The following RORA variants were observed in gnomAD, a reference collection of about 807,000 sequenced individuals.
The protein encoded by RORA is nuclear receptor ROR-alpha.
In RORA, 7 loss-of-function variants were observed where a neutral mutation model predicts 69.5. That is an observed-to-expected ratio of 0.10 (90% CI 0.06 to 0.19). The LOEUF is 0.19. RORA is among the 10% of genes least tolerant of loss of function. The pLI is 1.00. For synonymous variants in RORA, 261 were observed against 240.8 expected (o/e 1.08, Z -0.78); for missense variants, 457 against 663.0 (o/e 0.69, Z 3.41).
intron 1 of RORA, among the ~76,000 whole-genome samples, chr15:61,079,853 G>C (rs1228453954): frequency 1.3e-5 from 2 of 152,090 alleles, no homozygotes; most frequent in Non-Finnish European, 2.9e-5. Context: ...ATTAGACCTG[G>C]TTTGAAACCT....
At chr15:60,667,068 T>G (rs1191754162) in intron 2 of RORA, among the ~76,000 whole-genome samples, 2 of 152,240 alleles carry the variant, frequency 1.3e-5, no homozygotes, top group Non-Finnish European at 2.9e-5. Context: ...TGGTGTTTTC[T>G]AATATACCTC....
At chr15:60,808,997 A>T (rs1241638573) in intron 1 of RORA, among the ~76,000 whole-genome samples, 1 of 152,264 alleles carries the variant, frequency 6.6e-6, no homozygotes, top group East Asian at 1.9e-4. Flanking sequence ...TAAGAATGAC[A>T]CATTGGACTT....
chr15:61,102,667 G>A lies in RORA; in HGVS notation c.166+126386C>T, dbSNP rs573755960. ...TTCCTGGTTCTGCTCATGGATCCCC[G>A]GGCTGGTGCGCTTAATCCTCACAAT... On this transcript the variant is annotated intron_variant, in intron 1 of 10. Coordinates refer to ENST00000335670, the MANE Select transcript of RORA (RefSeq NM_134261.3). Among the ~76,000 whole-genome samples, 268 of 152,254 alleles carry A rather than the reference G, an allele frequency of 1.8e-3. 2 individuals are homozygous for A. Among genetic ancestry groups the A allele is most frequent in the South Asian group, 6.2e-4 (3 of 4,822 alleles).
intron 1 of RORA, among the ~76,000 whole-genome samples, chr15:60,939,553 T>C (rs1472921332): frequency 6.6e-6 from 1 of 152,130 alleles, no homozygotes; most frequent in Admixed American, 6.5e-5. Flanking sequence ...CCTGGAGCAA[T>C]AATATATTAT....
chr15:61,226,365 ATGTTT>A lies in RORA; in HGVS notation c.166+2683_166+2687del. ...TTTTCCTTTCTAGTTGTGTGCCTTT[ATGTTT>A]TAAGTATTTAAAAGGCATAATCACC... On this transcript the variant is annotated intron_variant, in intron 1 of 10. Coordinates refer to ENST00000335670, the MANE Select transcript of RORA (RefSeq NM_134261.3). The surrounding 1 kb of genome is among the most constrained non-coding windows in gnomAD (Gnocchi z 4.2). 6.6e-6 allele frequency among the ~76,000 whole-genome samples: 1 copy of A among 152,280 alleles called. No homozygotes were observed. The highest frequency in any genetic ancestry group is 1.5e-5 in the Non-Finnish European group (1 of 68,024).
At chr15:60,835,146 C>T (rs926184411) in intron 1 of RORA, among the ~76,000 whole-genome samples, 1 of 152,134 alleles carries the variant, frequency 6.6e-6, no homozygotes, top group East Asian at 1.9e-4. Context: ...CCAGTCACTT[C>T]AGAATAACAT....
chr15:60,736,398 A>C (rs768630226), intron 1 of RORA, among the ~76,000 whole-genome samples: 3 of 152,200 alleles, frequency 2.0e-5, no homozygotes, highest in Non-Finnish European at 4.4e-5. Context: ...AAGGCCCTTC[A>C]GCTTCAGTAA....
chr15:61,117,178 C>CTTTTTT (rs35859710), intron 1 of RORA, among the ~76,000 whole-genome samples: 1 of 138,398 alleles, frequency 7.2e-6, no homozygotes. Flanking sequence ...TTAAAAGTTA[C>CTTTTTT]TTTTTTTTTT....
At position 60,494,498 on chromosome 15, in the gene RORA, T is replaced by A. The variant is rs2065119609; in HGVS notation, c.*2957A>T. The A allele has an allele frequency of 6.6e-6, 1 of 152,262 alleles. No homozygotes were observed. The highest frequency in any genetic ancestry group is 1.5e-5 in the Non-Finnish European group (1 of 68,044). 9.4% of individuals were successfully genotyped at this position (152,262 alleles called of 1,614,324 possible). ...ATTGTTCTGATATCACCCAAGTATT[T>A]TATGTCATCACATAGGTGTTTTTGT... On this transcript the variant is annotated 3_prime_UTR_variant, in exon 11 of 11. Transcript: ENST00000335670.
chr15:60,857,767 G>A (rs1279707212), intron 1 of RORA, among the ~76,000 whole-genome samples: 1 of 152,200 alleles, frequency 6.6e-6, no homozygotes, highest in Non-Finnish European at 1.5e-5. Flanking sequence ...AAAATGATTA[G>A]TACCGAAGAG....
At chr15:60,932,815 G>A (rs1892414167) in intron 1 of RORA, among the ~76,000 whole-genome samples, 1 of 152,142 alleles carries the variant, frequency 6.6e-6, no homozygotes, top group Non-Finnish European at 1.5e-5. Flanking sequence ...GAGGACCTCT[G>A]GTGTTTGTCT....
intron 2 of RORA, among the ~76,000 whole-genome samples, chr15:60,639,884 A>G (rs1031513518): frequency 2.6e-5 from 4 of 152,220 alleles, no homozygotes; most frequent in African/African-American, 9.6e-5. Context: ...TTACAATGTC[A>G]TAAAGCATCA....
chr15:61,028,361 C>G (rs948922405), intron 1 of RORA, among the ~76,000 whole-genome samples: 1 of 152,176 alleles, frequency 6.6e-6, no homozygotes, highest in African/African-American at 2.4e-5. Context: ...GAAATTCATA[C>G]AAACGGTCTA....
At position 61,201,999 on chromosome 15, in the gene RORA, C is replaced by G. The variant is rs182149481; in HGVS notation, c.166+27054G>C. Among the ~76,000 whole-genome samples the G allele has an allele frequency of 3.0e-5, 4 of 135,510 alleles. No homozygotes were observed. The East Asian group carries it at 9.3e-4, about 31-fold the overall frequency. 88.9% of individuals were successfully genotyped at this position (135,510 alleles called of 152,430 possible). ...TCTCAAACTTTTAATATTTATCAAC[C>G]CTGCTTGATCTTTTTTTTTTTTTTT... On this transcript the variant is annotated intron_variant, in intron 1 of 10. Coordinates refer to ENST00000335670, the MANE Select transcript of RORA (RefSeq NM_134261.3).
intron 1 of RORA, among the ~76,000 whole-genome samples, chr15:60,804,755 C>T (rs1412034302): frequency 6.6e-6 from 1 of 152,176 alleles, no homozygotes; most frequent in Non-Finnish European, 1.5e-5. Context: ...AAAAATTAGT[C>T]TCATTGCATT....
chr15:60,635,653 G>A (rs1462167152), intron 2 of RORA, among the ~76,000 whole-genome samples: 2 of 152,170 alleles, frequency 1.3e-5, no homozygotes, highest in African/African-American at 2.4e-5. Context: ...TTCCAAAGTC[G>A]TCTTGGATAG....
intron 1 of RORA, among the ~76,000 whole-genome samples, chr15:61,052,390 T>C (rs556120729): frequency 7.2e-5 from 11 of 152,368 alleles, no homozygotes; most frequent in South Asian, 2.1e-4. Context: ...GTAATGCTTT[T>C]GCTCCTTTGA....
intron 1 of RORA, among the ~76,000 whole-genome samples, chr15:60,923,987 G>C (rs1310927799): frequency 1.3e-5 from 2 of 152,190 alleles, no homozygotes; most frequent in Admixed American, 6.5e-5. Flanking sequence ...TGTGAGCACG[G>C]GGCAGTGTGT....
rs546073912 is a variant in RORA at position 60,676,218 on chromosome 15, CTGAT to C, written c.196+2435_196+2438del. 7.4e-4 allele frequency among the ~76,000 whole-genome samples: 112 copies of C among 152,294 alleles called. 1 individual carries two copies. The highest frequency in any genetic ancestry group is 2.6e-3 in the African/African-American group (107 of 41,568). On this transcript the variant is annotated intron_variant, in intron 2 of 10. Coordinates refer to ENST00000335670, the MANE Select transcript of RORA (RefSeq NM_134261.3). Reference sequence around the variant, plus strand: ...TGACTGTTATTAGAGAAAAAACTGACTGATTGTCTTTCTCCTCACAAGCTGTGGG... The same window carrying C: ...TGACTGTTATTAGAGAAAAAACTGACTGTCTTTCTCCTCACAAGCTGTGGG...
Sources: allele counts gnomAD v4.1 joint callset (sites outside exome capture counted in the v4.1 genomes callset), GRCh38; gene constraint gnomAD v4.1.1; non-coding constraint Gnocchi (gnomAD v3.1); transcripts MANE v1.5; gene names NCBI Gene and HGNC (gene_info 2026-07-23, HGNC 2026-07-21).